SIAH1: variants seen among roughly 807,000 people sequenced by gnomAD.
SIAH1 encodes siah E3 ubiquitin protein ligase 1, also known as E3 ubiquitin-protein ligase SIAH1.
In SIAH1, 2 loss-of-function variants were observed where a neutral mutation model predicts 20.0. The observed-to-expected ratio is 0.10, with a 90% confidence interval of 0.04 to 0.31. The LOEUF (loss-of-function observed/expected upper bound fraction) is 0.31. Ranked by LOEUF, SIAH1 falls within the 10% of genes least tolerant of loss-of-function variation. SIAH1 has a pLI of 1.00. For synonymous variants in SIAH1, 118 were observed against 125.3 expected (o/e 0.94, Z 0.39); for missense variants, 119 against 355.3 (o/e 0.33, Z 5.35).
Position 48,362,738 on chromosome 16 carries a change from C to T in SIAH1, c.-2-308G>A, listed in dbSNP as rs544553932. ...GCTAAAATAGAAAATGGACCATAAA[C>T]AACTAAAGAAACTATACAAGGAACT... is the stretch of plus-strand genomic sequence containing the variant. On this transcript the variant is annotated intron_variant, in intron 1 of 1. Transcript: ENST00000394725. This position sits in a 1 kb window ranked among gnomAD's most constrained non-coding sequence, Gnocchi z 4.2. 5.3e-4 allele frequency: 140 copies of T among 263,150 alleles called. 1 individual carries two copies. The South Asian group carries it at 7.0e-3, about 13-fold the overall frequency. 16.3% of individuals were successfully genotyped at this position (263,150 alleles called of 1,614,324 possible). A position where few individuals can be genotyped will look rare whatever the true frequency, so the allele number is the denominator to read the frequency against.
chr16:48,371,600 G>A (rs923268079), intron 1 of SIAH1, among the ~76,000 whole-genome samples: 1 of 152,152 alleles, frequency 6.6e-6, no homozygotes, highest in African/African-American at 2.4e-5. Flanking sequence ...CAGGCAGAGG[G>A]CCAAACAGGC....
chr16:48,382,365 C>T (rs1190576008), intron 1 of SIAH1, among the ~76,000 whole-genome samples: 1 of 151,762 alleles, frequency 6.6e-6, no homozygotes. Context: ...GCCTGGGCAA[C>T]ATAGCAAGAC....
chr16:48,378,204 T>G (rs778567537), intron 1 of SIAH1, among the ~76,000 whole-genome samples: 1 of 152,006 alleles, frequency 6.6e-6, no homozygotes, highest in South Asian at 2.1e-4. Flanking sequence ...ACACAAAAAA[T>G]TAGCCAAGTG....
At chr16:48,368,892 C>T (rs1459383836) in intron 1 of SIAH1, among the ~76,000 whole-genome samples, 1 of 152,152 alleles carries the variant, frequency 6.6e-6, no homozygotes, top group African/African-American at 2.4e-5. Flanking sequence ...TTAAATAAAA[C>T]TCCTCCATTC....
At chr16:48,380,179 C>G (rs1439851384) in intron 1 of SIAH1, among the ~76,000 whole-genome samples, 1 of 152,212 alleles carries the variant, frequency 6.6e-6, no homozygotes. Context: ...CGGTGGCTCA[C>G]GCCTGTAATC....
chr16:48,386,125 C>T (rs1201449157), upstream of SIAH1, among the ~76,000 whole-genome samples: 1 of 152,212 alleles, frequency 6.6e-6, no homozygotes. Flanking sequence ...GAAAACATCA[C>T]TTGCAATTCT....
rs1484550078 is a variant in SIAH1 at position 48,361,847 on chromosome 16, C to T, written c.582G>A (p.Glu194=). 1 of 1,614,124 alleles carries T rather than the reference C, an allele frequency of 6.2e-7. No homozygotes were observed. Among genetic ancestry groups the T allele is most frequent in the Non-Finnish European group, 8.5e-7 (1 of 1,180,030 alleles). Residue 194 remains glutamate, a synonymous_variant, in exon 2 of 2, where the codon GAG becomes GAA. Transcript: ENST00000394725. ...CFGFHFMLVL[E]KQEKYDGHQQ... is the part of the protein sequence containing the mutation. ...GGTGACCATCGTATTTTTCCTGTTT[C>T]TCTAAGACTAACATGAAGTGAAAGC...
intron 1 of SIAH1, chr16:48,365,378 T>C: frequency 6.2e-7 from 1 of 1,613,826 alleles, no homozygotes; most frequent in Non-Finnish European, 8.5e-7. Flanking sequence ...ATCCTCTTAA[T>C]GTCAATACCT....
chr16:48,376,906 C>G (rs1961123253), intron 1 of SIAH1, among the ~76,000 whole-genome samples: 1 of 152,104 alleles, frequency 6.6e-6, no homozygotes, highest in African/African-American at 2.4e-5. Flanking sequence ...GGAAGGAAAC[C>G]AGGAAGAAGT....
At position 48,365,936 on chromosome 16, in the gene SIAH1, G is replaced by A. The variant is rs1434329504; in HGVS notation, c.-2-3506C>T. ...CATTTGGAGCCTCGGCCGGGGCTGG[G>A]CCTGCGTTGGGAACGCCTACTCCAA... On this transcript the variant is annotated intron_variant, in intron 1 of 1. Transcript: ENST00000394725. 5 of 1,212,270 alleles carry A rather than the reference G, an allele frequency of 4.1e-6. No homozygotes were observed. In the African/African-American group the frequency reaches 6.3e-5, roughly 15 times the overall value. The allele number at this position is 1,212,270 out of a possible 1,614,324, so 75.1% of individuals were successfully genotyped here. A position where few individuals can be genotyped will look rare whatever the true frequency, so the allele number is the denominator to read the frequency against.
At chr16:48,385,807 C>G (rs1056096277), upstream of SIAH1, among the ~76,000 whole-genome samples, 2 of 152,162 alleles carry the variant, frequency 1.3e-5, no homozygotes, top group African/African-American at 4.8e-5. Context: ...CTGGCCGCCG[C>G]CGCGGCCTTG....
At chr16:48,373,377 A>G (rs1369577037) in intron 1 of SIAH1, among the ~76,000 whole-genome samples, 1 of 151,834 alleles carries the variant, frequency 6.6e-6, no homozygotes. Flanking sequence ...CTCTCCACTC[A>G]GAGTCTTCCT....
chr16:48,386,547 A>G (rs886695895), upstream of SIAH1, among the ~76,000 whole-genome samples: 1 of 152,162 alleles, frequency 6.6e-6, no homozygotes, highest in Non-Finnish European at 1.5e-5. Context: ...CATACCGGGC[A>G]CGTATGTACA....
At chr16:48,384,379 C>G (rs1457129734) in intron 1 of SIAH1, among the ~76,000 whole-genome samples, 1 of 152,098 alleles carries the variant, frequency 6.6e-6, no homozygotes, top group African/African-American at 2.4e-5. Context: ...GGGCAGACAG[C>G]GAAAACGAAC....
intron 1 of SIAH1, among the ~76,000 whole-genome samples, chr16:48,375,989 G>A (rs1191961390): frequency 2.6e-5 from 4 of 152,254 alleles, no homozygotes; most frequent in East Asian, 1.9e-4. Flanking sequence ...AAATTCCATC[G>A]TTTGAAATTA....
chr16:48,370,396 T>C (rs933347337), intron 1 of SIAH1, among the ~76,000 whole-genome samples: 4 of 148,480 alleles, frequency 2.7e-5, no homozygotes, highest in African/African-American at 7.9e-5. Context: ...CAGTTCTTCA[T>C]TAATGAAGAA....
At chr16:48,369,014 T>A (rs1960916518) in intron 1 of SIAH1, among the ~76,000 whole-genome samples, 1 of 152,202 alleles carries the variant, frequency 6.6e-6, no homozygotes. Flanking sequence ...TACGTTAAAA[T>A]GTTAATTAAA....
At position 48,376,212 on chromosome 16, in the gene SIAH1, G is replaced by A. The variant is rs1002079368; in HGVS notation, c.-3+8992C>T. 3.3e-5 allele frequency among the ~76,000 whole-genome samples: 5 copies of A among 151,988 alleles called. No homozygotes were observed. In the South Asian group the frequency reaches 6.2e-4, roughly 19 times the overall value. On this transcript the variant is annotated intron_variant, in intron 1 of 1. Coordinates refer to ENST00000394725, the MANE Select transcript of SIAH1 (RefSeq NM_003031.4). ...TAGTTTGGGGGTGAGGAGGGATTTC[G>A]GTATCTCTCCAATGTTTCATAAAAT... is the stretch of plus-strand genomic sequence containing the variant.
chr16:48,361,114 C>CA lies in SIAH1; in HGVS notation c.*465dup, dbSNP rs561149136. 6.5e-6 allele frequency: 1 copy of CA among 152,828 alleles called. No homozygotes were observed. The highest frequency in any genetic ancestry group is 1.9e-4 in the East Asian group (1 of 5,186). 9.5% of individuals were successfully genotyped at this position (152,828 alleles called of 1,614,324 possible). The stretch of plus-strand genomic sequence containing the variant: ...ATTAATAAAAATTAGCAAATACACA[C>CA]AAAAAAAGCACACAGCAGCACTATG... On this transcript the variant is annotated 3_prime_UTR_variant, in exon 2 of 2. Transcript: ENST00000394725.
Sources: allele counts gnomAD v4.1 joint callset (sites outside exome capture counted in the v4.1 genomes callset), GRCh38; gene constraint gnomAD v4.1.1; non-coding constraint Gnocchi (gnomAD v3.1); transcripts MANE v1.5; gene names NCBI Gene and HGNC (gene_info 2026-07-23, HGNC 2026-07-21).